CHLSN: variants seen among roughly 807,000 people sequenced by gnomAD.
CHLSN encodes the protein protein cholesin.
At chr7:1,028,237 G>A in the CHLSN span, 3 of 1,089,132 alleles carry the variant, frequency 2.8e-6, no homozygotes, top group Non-Finnish European at 3.4e-6. Flanking sequence ...CCGAATGCGG[G>A]CCCTGGCCCC....
chr7:1,099,554 G>A, the CHLSN span, among the ~76,000 whole-genome samples: 2,203 of 152,328 alleles, frequency 0.014, 70 homozygotes, highest in African/African-American at 0.05. Flanking sequence ...TCCACGGTGG[G>A]AAACTCATTA....
the CHLSN span, among the ~76,000 whole-genome samples, chr7:1,064,288 T>C: frequency 1.3e-5 from 2 of 152,080 alleles, no homozygotes; most frequent in Non-Finnish European, 2.9e-5. Flanking sequence ...ACCAGGCCCT[T>C]AGCAGCCACA....
the CHLSN span, chr7:1,093,833 G>T: frequency 2.6e-6 from 1 of 380,498 alleles, no homozygotes. Context: ...CTCTGTCTTG[G>T]GGGTCTGCCA....
the CHLSN span, among the ~76,000 whole-genome samples, chr7:1,064,561 G>A: frequency 2.6e-5 from 4 of 152,298 alleles, no homozygotes; most frequent in Admixed American, 2.0e-4. Context: ...AGGGAATCCC[G>A]AGCTGACCTC....
At chr7:1,011,418 G>T in the CHLSN span, among the ~76,000 whole-genome samples, 2 of 75,774 alleles carry the variant, frequency 2.6e-5, no homozygotes, top group Non-Finnish European at 4.6e-5. Context: ...AACACCCACA[G>T]ACACCCAGAA....
At chr7:1,083,756 C>T in the CHLSN span, among the ~76,000 whole-genome samples, 1 of 152,348 alleles carries the variant, frequency 6.6e-6, no homozygotes, top group East Asian at 1.9e-4. Context: ...TTAACTGGGC[C>T]CTCCAGCTGC....
At chr7:1,107,840 C>T in the CHLSN span, among the ~76,000 whole-genome samples, 11 of 148,810 alleles carry the variant, frequency 7.4e-5, no homozygotes, top group East Asian at 4.0e-4. Context: ...ACTGGAGACC[C>T]GCACCCCGGG....
At chr7:1,015,512 C>G in the CHLSN span, among the ~76,000 whole-genome samples, 1 of 152,248 alleles carries the variant, frequency 6.6e-6, no homozygotes, top group Admixed American at 6.5e-5. Flanking sequence ...GTCATCTGTT[C>G]CAGCCAGACC....
the CHLSN span, chr7:1,092,634 C>A: frequency 6.2e-6 from 10 of 1,612,390 alleles, no homozygotes; most frequent in Non-Finnish European, 7.6e-6. Context: ...GCCATGCCCA[C>A]CCCCTCACGG....
the CHLSN span, among the ~76,000 whole-genome samples, chr7:1,067,023 C>G: frequency 2.0e-5 from 3 of 148,626 alleles, no homozygotes. Context: ...GGAGTACACC[C>G]CAGAGGTGAG....
the CHLSN span, among the ~76,000 whole-genome samples, chr7:1,084,147 G>T: frequency 6.6e-6 from 1 of 152,206 alleles, no homozygotes; most frequent in African/African-American, 2.4e-5. Context: ...GGCAAAACCC[G>T]CACACCCCAC....
At chr7:1,108,284 G>A in the CHLSN span, among the ~76,000 whole-genome samples, 4,548 of 63,312 alleles carry the variant, frequency 0.072, 1,003 homozygotes, top group African/African-American at 0.3. Flanking sequence ...GCACCCCGGG[G>A]GGAAGCAGGG....
At chr7:1,005,818 C>G in the CHLSN span, among the ~76,000 whole-genome samples, 277 of 152,288 alleles carry the variant, frequency 1.8e-3, 1 homozygote, top group African/African-American at 6.5e-3. Context: ...CGGCTGGATC[C>G]GTGTGGCCCG....
the CHLSN span, among the ~76,000 whole-genome samples, chr7:1,031,258 C>T: frequency 6.6e-6 from 1 of 152,222 alleles, no homozygotes; most frequent in Non-Finnish European, 1.5e-5. Context: ...TGTAATAATA[C>T]TGAGGAGAAA....
At chr7:1,090,600 G>A in the CHLSN span, among the ~76,000 whole-genome samples, 23 of 141,050 alleles carry the variant, frequency 1.6e-4, no homozygotes, top group African/African-American at 8.3e-5. Context: ...CTCCACTGGC[G>A]GCAGAGCCAG....
At chr7:1,040,035 C>T in the CHLSN span, among the ~76,000 whole-genome samples, 4 of 133,616 alleles carry the variant, frequency 3.0e-5, no homozygotes, top group Admixed American at 7.5e-5. Context: ...ACAAACACTG[C>T]GGAAGGCTGC....
the CHLSN span, among the ~76,000 whole-genome samples, chr7:1,038,415 C>G: frequency 1.5e-5 from 1 of 68,420 alleles, no homozygotes; most frequent in African/African-American, 7.0e-5. Context: ...CCAGCCACCC[C>G]GTCCGGGAGG....
chr7:1,129,907 G>A, the CHLSN span, among the ~76,000 whole-genome samples: 12 of 152,210 alleles, frequency 7.9e-5, no homozygotes, highest in Non-Finnish European at 1.6e-4. Flanking sequence ...AAATCTGCCT[G>A]CTCTCTAATT....
chr7:1,063,237 G>A, the CHLSN span, among the ~76,000 whole-genome samples: 1 of 152,214 alleles, frequency 6.6e-6, no homozygotes, highest in African/African-American at 2.4e-5. Context: ...TCCCCAAACA[G>A]CAAATCTTTG....
Sources: gnomAD v4.1 joint callset for allele counts (sites outside exome capture counted in the v4.1 genomes callset) on GRCh38, gnomAD v4.1.1 for gene constraint, MANE v1.5 for transcripts, NCBI Gene and HGNC (gene_info 2026-07-23, HGNC 2026-07-21) for gene names.